The following HPS3 variants were observed in gnomAD, a reference collection of about 807,000 sequenced individuals.
HPS3 encodes the protein HPS3 biogenesis of lysosomal organelles complex 2 subunit 1, also known as BLOC-2 complex member HPS3.
In HPS3, 79 loss-of-function variants were observed where a neutral mutation model predicts 110.9. That is an observed-to-expected ratio of 0.71 (90% CI 0.59 to 0.86). The LOEUF is 0.86. HPS3 is among the 40% of genes least tolerant of loss of function. The pLI is 0.00. For missense variants in HPS3, 1,197 were observed against 1,206.2 expected, an observed-to-expected ratio of 0.99 and a Z score of 0.11; for synonymous variants, 428 against 451.0, an observed-to-expected ratio of 0.95 and a Z score of 0.65.
chr3:149,146,711 G>C (rs1722795407), intron 5 of HPS3, among the ~76,000 whole-genome samples: 1 of 152,208 alleles, frequency 6.6e-6, no homozygotes, highest in South Asian at 2.1e-4. Flanking sequence ...GAGAAATGCT[G>C]CTGATGGCAG....
At chr3:149,156,705 T>A (rs1185038352) in intron 8 of HPS3, among the ~76,000 whole-genome samples, 1 of 152,102 alleles carries the variant, frequency 6.6e-6, no homozygotes, top group East Asian at 1.9e-4. Context: ...TGATGTTAAT[T>A]TTTGGTCATC....
intron 3 of HPS3, 40 bp from the exon 4 acceptor site, chr3:149,141,255 A>G (rs1722430400): frequency 6.2e-7 from 1 of 1,603,672 alleles, no homozygotes; most frequent in African/African-American, 1.4e-5. Flanking sequence ...AGTACATGGA[A>G]GTTATATTTT....
At chr3:149,137,927 C>T (rs1722212489) in intron 1 of HPS3, among the ~76,000 whole-genome samples, 1 of 152,116 alleles carries the variant, frequency 6.6e-6, no homozygotes, top group South Asian at 2.1e-4. Flanking sequence ...ATACCAGTGC[C>T]ACTGATCTGT....
In HPS3 at chr3:149,159,893, T is replaced by C. The variant is rs3732558; in HGVS notation, c.1873-153T>C. Among the ~76,000 whole-genome samples, 67,696 of 151,968 alleles carry C rather than the reference T, an allele frequency of 0.45. 15,218 individuals carry two copies. The highest frequency in any genetic ancestry group is 0.51 in the South Asian group (2,462 of 4,802). The stretch of plus-strand genomic sequence containing the variant: ...AGGCCTCCCATGTATTAGTATCAGT[T>C]TTTGTCTTTTTAAAATTAAAACATA... On this transcript the variant is annotated intron_variant, in intron 10 of 16. Coordinates refer to ENST00000296051, the MANE Select transcript of HPS3 (RefSeq NM_032383.5).
intron 11 of HPS3, 41 bp from the exon 12 acceptor site, chr3:149,162,107 A>G: frequency 1.3e-6 from 2 of 1,507,470 alleles, no homozygotes; most frequent in Non-Finnish European, 1.8e-6. Flanking sequence ...CAATCTAAAT[A>G]CAATGTACCT....
rs1191023442 is a variant in HPS3, at chr3:149,167,827, AT to A, written c.2797-64del. ...CTGTGCTTTCCTGCACAATCTTCTT[AT>A]TCTCCTTTGAAATCTGAGAATAAAA... On this transcript the variant is annotated intron_variant, in intron 15 of 16. Transcript: ENST00000296051. The A allele has an allele frequency of 4.2e-6, 4 of 959,100 alleles. No individual in the cohort carries two copies. In the East Asian group the frequency reaches 9.6e-5, roughly 23 times the overall value. The allele number at this position is 959,100 out of a possible 1,614,324, so 59.4% of individuals were successfully genotyped here.
At chr3:149,145,171 G>A (rs189564174) in intron 4 of HPS3, among the ~76,000 whole-genome samples, 183 bp from the exon 5 acceptor site, 3 of 152,178 alleles carry the variant, frequency 2.0e-5, no homozygotes, top group East Asian at 3.9e-4. Flanking sequence ...GTACAATGCC[G>A]ATATTCTAAT....
At chr3:149,150,082 C>T (rs907362689) in intron 5 of HPS3, among the ~76,000 whole-genome samples, 5 of 152,194 alleles carry the variant, frequency 3.3e-5, no homozygotes, top group African/African-American at 1.2e-4. Context: ...CAGATGGTCT[C>T]TCATTTTCAA....
intron 4 of HPS3, among the ~76,000 whole-genome samples, chr3:149,143,605 T>C (rs561241354): frequency 6.6e-6 from 1 of 152,256 alleles, no homozygotes; most frequent in East Asian, 1.9e-4. Flanking sequence ...AATGGATGGG[T>C]CATATGTATT....
chr3:149,139,618 T>C (rs1722310712), intron 1 of HPS3, among the ~76,000 whole-genome samples: 1 of 152,254 alleles, frequency 6.6e-6, no homozygotes, highest in Non-Finnish European at 1.5e-5. Flanking sequence ...TAAATTCTGC[T>C]AATCTGAGAA....
intron 4 of HPS3, among the ~76,000 whole-genome samples, chr3:149,143,286 A>G (rs555231995): frequency 6.6e-6 from 1 of 152,322 alleles, no homozygotes; most frequent in South Asian, 2.1e-4. Flanking sequence ...AGGCACGCTT[A>G]TCTAAGACCT....
intron 13 of HPS3, among the ~76,000 whole-genome samples, chr3:149,163,097 T>C (rs779931813): frequency 1.3e-5 from 2 of 152,238 alleles, no homozygotes; most frequent in Non-Finnish European, 2.9e-5. Context: ...TACTTATTAA[T>C]GTCCCTCACT....
intron 14 of HPS3, among the ~76,000 whole-genome samples, chr3:149,166,718 A>G (rs535181246): frequency 6.6e-6 from 1 of 152,304 alleles, no homozygotes; most frequent in South Asian, 2.1e-4. Flanking sequence ...TTTAACCACA[A>G]TGTTGATTAT....
At position 149,162,884 on chromosome 3, in the gene HPS3, A is replaced by G. The variant is rs773797282; in HGVS notation, c.2481+6A>G. On this transcript the variant is annotated splice_donor_region_variant and intron_variant, in intron 13 of 16. Coordinates refer to ENST00000296051, the MANE Select transcript of HPS3 (RefSeq NM_032383.5). ...TGCGAACATCGGAGGATCTGGTAAG[A>G]TAATGGAATAATACCTTAAATTTAA... is the stretch of plus-strand genomic sequence containing the variant. 5 of 1,607,324 alleles carry G rather than the reference A, an allele frequency of 3.1e-6. No homozygotes were observed. The South Asian group carries it at 5.5e-5, about 18-fold the overall frequency.
chr3:149,148,023 G>A (rs564770406), intron 5 of HPS3, among the ~76,000 whole-genome samples: 3 of 151,714 alleles, frequency 2.0e-5, no homozygotes, highest in South Asian at 2.1e-4. Flanking sequence ...GGCACCTGCC[G>A]CCATGCCCGA....
chr3:149,141,288 C>T lies in HPS3; in HGVS notation c.885-7C>T, dbSNP rs759609460. 3.1e-6 allele frequency: 5 copies of T among 1,610,548 alleles called. No individual in the cohort carries two copies. Among genetic ancestry groups the T allele is most frequent in the Non-Finnish European group, 4.2e-6 (5 of 1,178,860 alleles). On this transcript the variant is annotated splice_region_variant and splice_polypyrimidine_tract_variant and intron_variant, in intron 3 of 16. Transcript: ENST00000296051. ...TTTTCCCTTTCTCTGTCTTTTTAAA[C>T]CCACAGACGTTTTGCTCCTGATATT...
At chr3:149,153,995 C>T (rs1723291503) in intron 7 of HPS3, 1 of 251,674 alleles carries the variant, frequency 4.0e-6, no homozygotes. Flanking sequence ...CTTCTTTGAC[C>T]CTTTCAGTTG....
rs115311686 is a variant in HPS3 at position 149,150,492 on chromosome 3, G to A, written c.1164-107G>A. On this transcript the variant is annotated intron_variant, in intron 5 of 16. Coordinates refer to ENST00000296051, the MANE Select transcript of HPS3 (RefSeq NM_032383.5). The stretch of plus-strand genomic sequence containing the variant: ...ACTTGGCAATATTTGACAAATACTT[G>A]ACTGTCACCCCTGCCCATTGCCCTG... 9.9e-3 allele frequency: 7,815 copies of A among 786,718 alleles called. 95 individuals carry two copies. Among genetic ancestry groups the A allele is most frequent in the African/African-American group, 0.04 (2,395 of 59,200 alleles). 48.7% of individuals were successfully genotyped at this position (786,718 alleles called of 1,614,324 possible). A position where few individuals can be genotyped will look rare whatever the true frequency, so the allele number is the denominator to read the frequency against.
intron 11 of HPS3, among the ~76,000 whole-genome samples, chr3:149,160,826 T>C (rs1027927149): frequency 6.6e-6 from 1 of 152,214 alleles, no homozygotes. Flanking sequence ...TAGGAGGTAG[T>C]GTAATTGAAC....
Sources: gnomAD v4.1 joint callset for allele counts (sites outside exome capture counted in the v4.1 genomes callset) on GRCh38, gnomAD v4.1.1 for gene constraint, MANE v1.5 for transcripts, NCBI Gene and HGNC (gene_info 2026-07-23, HGNC 2026-07-21) for gene names.